Variants in ABCA12 observed in about 807,000 individuals in gnomAD.
ABCA12 encodes the protein ATP binding cassette subfamily A member 12, also known as glucosylceramide transporter ABCA12.
ABCA12 carries 156 observed loss-of-function variants against 293.5 expected under a neutral mutation model. The observed-to-expected ratio is 0.53, with a 90% confidence interval of 0.47 to 0.61. The LOEUF (loss-of-function observed/expected upper bound fraction) is 0.61. Ranked by LOEUF, ABCA12 falls within the 20% of genes least tolerant of loss-of-function variation. ABCA12 has a pLI of 0.00. For synonymous variants in ABCA12, 1,063 were observed against 1,108.0 expected, an observed-to-expected ratio of 0.96 and a Z score of 0.81; for missense variants, 2,797 against 3,090.2, an observed-to-expected ratio of 0.91 and a Z score of 2.25.
At chr2:214,934,638 A>G (rs1698163226) in intron 51 of ABCA12, among the ~76,000 whole-genome samples, 1 of 152,180 alleles carries the variant, frequency 6.6e-6, no homozygotes, top group African/African-American at 2.4e-5. Context: ...ATATTGGCTA[A>G]AGACAGTAGA....
intron 45 of ABCA12, among the ~76,000 whole-genome samples, chr2:214,950,422 A>G (rs111583977): frequency 0.047 from 5,520 of 117,240 alleles, 125 homozygotes; most frequent in African/African-American, 0.069. Flanking sequence ...GTGTGTGTGT[A>G]TATATATGCA....
chr2:214,952,490 G>A (rs547248352), intron 44 of ABCA12, among the ~76,000 whole-genome samples: 62 of 152,164 alleles, frequency 4.1e-4, no homozygotes, highest in African/African-American at 1.5e-3. Context: ...CAAAGTGCTG[G>A]GATTACAGGC....
At chr2:215,061,242 A>G (rs1701521651) in intron 3 of ABCA12, among the ~76,000 whole-genome samples, 1 of 152,026 alleles carries the variant, frequency 6.6e-6, no homozygotes, top group Non-Finnish European at 1.5e-5. Context: ...TTTTTTTTTA[A>G]ACATCTCATC....
rs532599517 is a variant in ABCA12 at position 215,007,651 on chromosome 2, G to A, written c.2592+76C>T. 312 of 1,574,138 alleles carry A rather than the reference G, an allele frequency of 2.0e-4. 2 individuals are homozygous for A. The Middle Eastern group carries it at 2.2e-3, about 11-fold the overall frequency. On this transcript the variant is annotated intron_variant, in intron 19 of 52. Transcript: ENST00000272895. ...GAATACGGAAAGTTACCCCCTTCCC[G>A]TTCACATATTGAAGGCAATTAAAAT...
intron 23 of ABCA12, 44 bp from the exon 24 acceptor site, chr2:214,991,075 T>C (rs1252652085): frequency 9.0e-6 from 14 of 1,555,320 alleles, no homozygotes; most frequent in Admixed American, 1.7e-5. Context: ...GCTGATATTC[T>C]TCCAAATAAA....
intron 23 of ABCA12, among the ~76,000 whole-genome samples, chr2:214,991,571 A>T (rs1043475384): frequency 2.0e-5 from 3 of 152,148 alleles, no homozygotes; most frequent in African/African-American, 7.2e-5. Flanking sequence ...AATTTAAAAC[A>T]CATAACTTAA....
intron 2 of ABCA12, among the ~76,000 whole-genome samples, chr2:215,089,851 A>G (rs1198527852): frequency 6.6e-6 from 1 of 152,186 alleles, no homozygotes. Flanking sequence ...ACTGCAACAA[A>G]CAAGTGGTGT....
rs1440597292 is a variant in ABCA12 at position 214,947,508 on chromosome 2, T to C, written c.7153A>G (p.Arg2385Gly). ...CCATAACTGCACATAGAGGTAGCTC[T>C]GTCCTTGAAGGGCATCAGGTGAAGT... The part of the protein sequence containing the change: ...RRLHLMPFKD[R>G]ATSMCSYGTK... The change falls in exon 48 of 53, where the codon AGA (arginine) becomes GGA (glycine). Residue 2385 changes from arginine (R) to glycine (G), a missense_variant. Around this residue, in one of 3 missense-constraint regions of ABCA12, gnomAD observed 2,130 missense variants for 2,427.0 expected, o/e 0.88. Coordinates refer to ENST00000272895, the MANE Select transcript of ABCA12 (RefSeq NM_173076.3). 1.2e-6 allele frequency: 2 copies of C among 1,613,998 alleles called. No individual in the cohort carries two copies.
At chr2:215,035,772 A>C (rs1700979360) in intron 8 of ABCA12, 1 of 152,086 alleles carries the variant, frequency 6.6e-6, no homozygotes, top group Non-Finnish European at 1.5e-5. Flanking sequence ...TTCACCAGGA[A>C]ATGGGTTCTG....
chr2:215,001,810 A>AT (rs1468782369), intron 20 of ABCA12, 73 bp from the exon 21 acceptor site: 11 of 1,311,824 alleles, frequency 8.4e-6, no homozygotes, highest in African/African-American at 7.4e-5. Flanking sequence ...TGAAATACTG[A>AT]TTTTTTGTAA....
In ABCA12 at chr2:215,134,605, ATATATATATATAGAGAGAG is replaced by A. The variant is rs1438115609; in HGVS notation, c.69+3516_69+3534del. 2.1e-5 allele frequency among the ~76,000 whole-genome samples: 2 copies of A among 94,690 alleles called. 1 individual carries two copies. The highest frequency in any genetic ancestry group is 4.0e-5 in the Non-Finnish European group (2 of 50,420). 62.1% of individuals were successfully genotyped at this position (94,690 alleles called of 152,430 possible). On this transcript the variant is annotated intron_variant, in intron 1 of 52. Transcript: ENST00000272895. ...TCTCTCTCTCTCTCTCTCTCTATAT[ATATATATATATAGAGAGAG>A]AGAGAGAGAGAGAGAGACAAACAGA... is the stretch of plus-strand genomic sequence containing the variant.
In ABCA12 at chr2:215,033,266, G is replaced by T. The variant is rs147480535; in HGVS notation, c.986-1370C>A. ...GGCATCTATATATAGAATAACTATA[G>T]ATTCAAAAACCTGTTGAGATTTATG... On this transcript the variant is annotated intron_variant, in intron 8 of 52. Transcript: ENST00000272895. Among the ~76,000 whole-genome samples, 188 of 152,248 alleles carry T rather than the reference G, an allele frequency of 1.2e-3. 2 individuals carry two copies. The highest frequency in any genetic ancestry group is 4.2e-3 in the African/African-American group (175 of 41,552).
chr2:214,955,965 A>G (rs1445581363), intron 42 of ABCA12, among the ~76,000 whole-genome samples: 4 of 152,214 alleles, frequency 2.6e-5, no homozygotes, highest in Non-Finnish European at 5.9e-5. Context: ...TATAAATCTT[A>G]TAATTTAAAG....
intron 6 of ABCA12, among the ~76,000 whole-genome samples, chr2:215,047,730 C>G (rs1701231362): frequency 1.3e-5 from 2 of 152,050 alleles, no homozygotes; most frequent in Admixed American, 6.6e-5. Flanking sequence ...GGAAGACAGC[C>G]TAGGCAACAC....
intron 17 of ABCA12, 42 bp downstream of exon 17, chr2:215,011,397 T>C: frequency 7.1e-7 from 1 of 1,414,648 alleles, no homozygotes; most frequent in Admixed American, 1.7e-5. Context: ...ATTCTTATTG[T>C]CATTAAGGGC....
intron 3 of ABCA12, among the ~76,000 whole-genome samples, chr2:215,057,320 T>C (rs1442745691): frequency 6.6e-6 from 1 of 152,176 alleles, no homozygotes; most frequent in African/African-American, 2.4e-5. Flanking sequence ...CCTGTCATCA[T>C]AGGTACTCAT....
At chr2:214,980,348 A>G in intron 31 of ABCA12, 135 bp downstream of exon 31, 1 of 1,272,194 alleles carries the variant, frequency 7.9e-7, no homozygotes, top group Non-Finnish European at 1.1e-6. Context: ...TTCGATGCTC[A>G]CTCAAATATG....
chr2:215,020,825 G>A (rs575061102), intron 11 of ABCA12: 4 of 151,912 alleles, frequency 2.6e-5, no homozygotes, highest in East Asian at 3.9e-4. Flanking sequence ...ACCCTCTTGA[G>A]TAAGTAGCTA....
rs567221336 is a variant in ABCA12, at chr2:215,036,862, C to A, written c.985+91G>T. The A allele has an allele frequency of 6.8e-5, 76 of 1,115,018 alleles. No individual in the cohort carries two copies. In the African/African-American group the frequency reaches 1.1e-3, roughly 16 times the overall value. The allele number at this position is 1,115,018 out of a possible 1,614,324, so 69.1% of individuals were successfully genotyped here. On this transcript the variant is annotated intron_variant, in intron 8 of 52. Coordinates refer to ENST00000272895, the MANE Select transcript of ABCA12 (RefSeq NM_173076.3). ...TGTCCCCACCTAAGAATAATATCAT[C>A]TCTACATGATTACTTTCATTGCACT...
Sources: gnomAD v4.1 joint callset for allele counts (sites outside exome capture counted in the v4.1 genomes callset) on GRCh38, gnomAD v4.1.1 for gene constraint, gnomAD v4.1.1 regional missense constraint, MANE v1.5 for transcripts, NCBI Gene and HGNC (gene_info 2026-07-23, HGNC 2026-07-21) for gene names.